The following PCYOX1 variants were observed in gnomAD, a reference collection of about 807,000 sequenced individuals.
The protein encoded by PCYOX1 is prenylcysteine oxidase 1, also known as prenylcysteine lyase.
A neutral mutation model predicts 46.4 loss-of-function variants in PCYOX1; 46 were observed. The ratio of observed to expected loss-of-function variants is 0.99; its 90% confidence interval spans 0.78 to 1.27. The LOEUF (loss-of-function observed/expected upper bound fraction) is 1.27. Ranked by LOEUF, PCYOX1 falls within the 50% of genes most tolerant of loss-of-function variation. The pLI is 0.00. For synonymous variants in PCYOX1, 220 were observed against 231.8 expected, an observed-to-expected ratio of 0.95 and a Z score of 0.46; for missense variants, 658 against 628.3, an observed-to-expected ratio of 1.05 and a Z score of -0.51.
Position 70,280,822 on chromosome 2 carries a change from T to G in PCYOX1, c.*3430T>G, listed in dbSNP as rs1341485907. 6.6e-6 allele frequency: 1 copy of G among 152,144 alleles called. No individual in the cohort carries two copies. The highest frequency in any genetic ancestry group is 1.5e-5 in the Non-Finnish European group (1 of 68,032). 9.4% of individuals were successfully genotyped at this position (152,144 alleles called of 1,614,324 possible). On this transcript the variant is annotated 3_prime_UTR_variant, in exon 6 of 6. Coordinates refer to ENST00000433351, the MANE Select transcript of PCYOX1 (RefSeq NM_016297.4). ...TATCTATGAGCCATTGTGTTTGGTG[T>G]TTTACAAGAACTTTACCATACTGGT...
intron 3 of PCYOX1, among the ~76,000 whole-genome samples, chr2:70,274,021 G>A (rs1696634352): frequency 6.6e-6 from 1 of 152,100 alleles, no homozygotes; most frequent in Admixed American, 6.6e-5. Flanking sequence ...TTGGAGGGAA[G>A]AGCTTGTGCA....
intron 3 of PCYOX1, 116 bp downstream of exon 3, chr2:70,261,502 G>GTT: frequency 1.5e-6 from 1 of 680,804 alleles, no homozygotes; most frequent in Non-Finnish European, 2.5e-6. Flanking sequence ...AGCAAGGCCT[G>GTT]TTTATAACAT....
Position 70,261,209 on chromosome 2 carries a change from C to T in PCYOX1, c.320-3C>T. 2.5e-6 allele frequency: 4 copies of T among 1,601,032 alleles called. No individual in the cohort carries two copies. The highest frequency in any genetic ancestry group is 3.4e-6 in the Non-Finnish European group (4 of 1,169,572). On this transcript the variant is annotated splice_region_variant and splice_polypyrimidine_tract_variant and intron_variant, in intron 2 of 5. Transcript: ENST00000433351. ...GACTTAGCTGTGCTTTATGTTTTTG[C>T]AGGTCTCTCTGCTGTTCAGGCCTCT... is the stretch of plus-strand genomic sequence containing the variant.
At chr2:70,267,718 C>T (rs1696546862) in intron 3 of PCYOX1, among the ~76,000 whole-genome samples, 1 of 149,338 alleles carries the variant, frequency 6.7e-6, no homozygotes, top group Non-Finnish European at 1.5e-5. Context: ...AGGGAGGTTG[C>T]AGTGAGTCGA....
At chr2:70,265,989 T>A (rs938429580) in intron 3 of PCYOX1, among the ~76,000 whole-genome samples, 1 of 152,176 alleles carries the variant, frequency 6.6e-6, no homozygotes, top group Admixed American at 6.5e-5. Context: ...GGATTACTGC[T>A]ACCACTTTGT....
intron 3 of PCYOX1, among the ~76,000 whole-genome samples, chr2:70,274,195 C>CTTTTT (rs397868949): frequency 8.6e-6 from 1 of 115,952 alleles, no homozygotes; most frequent in Admixed American, 9.3e-5. Context: ...TTTACTTCTA[C>CTTTTT]TTTTTTTTTT....
intron 3 of PCYOX1, among the ~76,000 whole-genome samples, chr2:70,271,152 CA>C (rs1377463481): frequency 6.6e-6 from 1 of 151,956 alleles, no homozygotes; most frequent in Non-Finnish European, 1.5e-5. Context: ...ACTGCAGCCT[CA>C]ACCAGCGGGG....
intron 3 of PCYOX1, among the ~76,000 whole-genome samples, chr2:70,262,067 A>G (rs1356672805): frequency 6.6e-6 from 1 of 152,128 alleles, no homozygotes; most frequent in Admixed American, 6.5e-5. Flanking sequence ...AATATGTATC[A>G]CTTTGGTAAT....
At chr2:70,265,630 G>A (rs778334314) in intron 3 of PCYOX1, among the ~76,000 whole-genome samples, 1 of 152,132 alleles carries the variant, frequency 6.6e-6, no homozygotes, top group Non-Finnish European at 1.5e-5. Flanking sequence ...TGTGTTCTAT[G>A]CTACGCACAG....
In PCYOX1 at chr2:70,259,566, G is replaced by A; in HGVS notation, c.319G>A (p.Gly107Ser). The A allele has an allele frequency of 6.2e-7, 1 of 1,610,472 alleles. No homozygotes were observed. Among genetic ancestry groups the A allele is most frequent in the South Asian group, 1.1e-5 (1 of 90,984 alleles). Residue 107 changes from glycine to serine, a missense_variant and splice_region_variant, in exon 2 of 6, where the codon GGT (glycine) becomes AGT (serine). Coordinates refer to ENST00000433351, the MANE Select transcript of PCYOX1 (RefSeq NM_016297.4). ...LHMKRFVKDL[G>S]LSAVQASGGL... ...CATGAAACGTTTTGTCAAAGACCTG[G>A]GTATGTAATTTTGGTCTTGGAGCTC...
Position 70,277,419 on chromosome 2 carries a change from A to T in PCYOX1, c.*27A>T. 1 of 1,538,222 alleles carries T rather than the reference A, an allele frequency of 6.5e-7. No individual in the cohort carries two copies. The highest frequency in any genetic ancestry group is 8.8e-7 in the Non-Finnish European group (1 of 1,132,226). On this transcript the variant is annotated 3_prime_UTR_variant, in exon 6 of 6. Transcript: ENST00000433351. ...GTGACACACTCCTTTTTCCCCTCCT[A>T]GTTCCAAATGACTATCAGTGGCAAA...
chr2:70,260,105 G>A (rs907905227), intron 2 of PCYOX1, among the ~76,000 whole-genome samples: 10 of 152,190 alleles, frequency 6.6e-5, no homozygotes, highest in Admixed American at 2.0e-4. Context: ...GTGAGCCACC[G>A]TGCCCGGCCT....
Position 70,277,148 on chromosome 2 carries a change from A to G in PCYOX1, c.1274A>G (p.Tyr425Cys), listed in dbSNP as rs768389465. The G allele has an allele frequency of 1.9e-5, 30 of 1,614,194 alleles. No homozygotes were observed. Among genetic ancestry groups the G allele is most frequent in the Middle Eastern group, 1.6e-4 (1 of 6,062 alleles). The change falls in exon 6 of 6, where the codon TAT becomes TGT. Residue 425 changes from tyrosine to cysteine, a missense_variant. Transcript: ENST00000433351. Reference protein sequence around the residue: ...KAQILKLFLSYDYAVKKPWLA... With the variant: ...KAQILKLFLSCDYAVKKPWLA... ...CAAATTTTAAAGCTCTTTCTGTCCT[A>G]TGATTATGCTGTGAAGAAGCCATGG...
chr2:70,259,323 AGG>A lies in PCYOX1; in HGVS notation c.113-34_113-33del, dbSNP rs955717811. ...CAAAACAACTCACAGAGCTGGTAAA[AGG>A]GGAAAATATAATCTTCTGTTTTTTT... On this transcript the variant is annotated intron_variant, in intron 1 of 5. Transcript: ENST00000433351. 5 of 1,565,148 alleles carry A rather than the reference AGG, an allele frequency of 3.2e-6. No individual in the cohort carries two copies. In the African/African-American group the frequency reaches 6.8e-5, roughly 21 times the overall value.
rs376749102 is a variant in PCYOX1, at chr2:70,261,295, A to G, written c.403A>G (p.Ile135Val). Residue 135 changes from isoleucine to valine, a missense_variant, in exon 3 of 6, where the codon ATA (isoleucine) becomes GTA (valine). Coordinates refer to ENST00000433351, the MANE Select transcript of PCYOX1 (RefSeq NM_016297.4). ...GGTATTTGAGGAGAGCAACTGGTTC[A>G]TAATTAACGTGATTAAATTAGTTTG... is the stretch of plus-strand genomic sequence containing the variant. ...TLVFEESNWFIINVIKLVWRY... is the reference protein window; with the variant it reads ...TLVFEESNWFVINVIKLVWRY... 2.5e-6 allele frequency: 4 copies of G among 1,610,300 alleles called. No individual in the cohort carries two copies. The African/African-American group carries it at 4.0e-5, about 16-fold the overall frequency.
At chr2:70,258,129 G>T, upstream of PCYOX1, 1 of 1,504,398 alleles carries the variant, frequency 6.6e-7, no homozygotes, top group Non-Finnish European at 9.0e-7. Flanking sequence ...GAGGACTGCG[G>T]GGCTCTTGAG....
Position 70,276,925 on chromosome 2 carries a change from G to T in PCYOX1, c.1051G>T (p.Glu351Ter), listed in dbSNP as rs1161727172. 2 of 1,611,580 alleles carry T rather than the reference G, an allele frequency of 1.2e-6. No homozygotes were observed. The highest frequency in any genetic ancestry group is 2.2e-5 in the East Asian group (1 of 44,856). Residue 351 changes from glutamate (E) to a stop codon, truncating the protein, a stop_gained, in exon 6 of 6, where the codon GAA becomes TAA. Transcript: ENST00000433351. LOFTEE classifies it high-confidence loss of function. ...TATAGTGACAACTTTAGTTAAGGGG[G>T]AATTGAATACATCTATCTTTAGCTC... is the stretch of plus-strand genomic sequence containing the variant. ...QHIVTTLVKG[E>*]LNTSIFSSRP... is the part of the protein sequence containing the mutation.
chr2:70,275,373 C>G (rs1696656039), intron 4 of PCYOX1, 141 bp from the exon 5 acceptor site: 3 of 898,686 alleles, frequency 3.3e-6, no homozygotes, highest in Non-Finnish European at 5.2e-6. Flanking sequence ...TAATTCTTAA[C>G]TGGGGGAGAT....
rs1046304649 is a variant in PCYOX1, at chr2:70,281,143, C to T, written c.*3751C>T. Reference sequence around the variant, plus strand: ...TTTCTACTCTTGTATTAAAATTTTTCCCCACTTCATGATTATATTCAAAAT... The same window carrying T: ...TTTCTACTCTTGTATTAAAATTTTTTCCCACTTCATGATTATATTCAAAAT... On this transcript the variant is annotated 3_prime_UTR_variant, in exon 6 of 6. Transcript: ENST00000433351. The T allele has an allele frequency of 6.6e-6, 1 of 152,246 alleles. No homozygotes were observed. Among genetic ancestry groups the T allele is most frequent in the African/African-American group, 2.4e-5 (1 of 41,438 alleles). The allele number at this position is 152,246 out of a possible 1,614,324, so 9.4% of individuals were successfully genotyped here. A position where few individuals can be genotyped will look rare whatever the true frequency, so the allele number is the denominator to read the frequency against.
Sources: allele counts gnomAD v4.1 joint callset (sites outside exome capture counted in the v4.1 genomes callset), GRCh38; gene constraint gnomAD v4.1.1; transcripts MANE v1.5; gene names NCBI Gene and HGNC (gene_info 2026-07-23, HGNC 2026-07-21).